Variants in SLC4A10 observed in about 807,000 individuals in gnomAD.
The protein encoded by SLC4A10 is sodium-driven chloride bicarbonate exchanger.
In SLC4A10, 42 loss-of-function variants were observed where a neutral mutation model predicts 137.7. The observed-to-expected ratio is 0.30, with a 90% CI of 0.24 to 0.39. The LOEUF (loss-of-function observed/expected upper bound fraction) is 0.39, where lower values mean the gene tolerates loss of function less well. SLC4A10 is among the 10% of genes least tolerant of loss of function. The pLI, the probability that SLC4A10 is intolerant of heterozygous loss-of-function variation, is 1.00. For missense variants in SLC4A10, 925 were observed against 1,355.0 expected (o/e 0.68, Z 4.98); for synonymous variants, 474 against 464.1 (o/e 1.02, Z -0.27).
At chr2:161,919,894 C>G (rs1687802559) in intron 15 of SLC4A10, among the ~76,000 whole-genome samples, 3 of 152,200 alleles carry the variant, frequency 2.0e-5, no homozygotes, top group African/African-American at 4.8e-5. Context: ...GTGACACCCT[C>G]TTTGGGGCTC....
chr2:161,932,841 CAG>C lies in SLC4A10; in HGVS notation c.1998-9950_1998-9949del, dbSNP rs1156830674. Among the ~76,000 whole-genome samples, 8 of 152,232 alleles carry C rather than the reference CAG, an allele frequency of 5.3e-5. No homozygotes were observed. The South Asian group carries it at 8.4e-4, about 16-fold the overall frequency. On this transcript the variant is annotated intron_variant, in intron 15 of 26. Coordinates refer to ENST00000446997, the MANE Select transcript of SLC4A10 (RefSeq NM_001178015.2). Reference sequence around the variant, plus strand: ...TGCCATTTCTTGAGAGTTGGAGCTACAGTTGCTCTAGATGTGTCTAGGTCTGA... The same window carrying C: ...TGCCATTTCTTGAGAGTTGGAGCTACTTGCTCTAGATGTGTCTAGGTCTGA...
chr2:161,660,558 TTC>T (rs1318169660), intron 1 of SLC4A10, among the ~76,000 whole-genome samples: 1 of 46,806 alleles, frequency 2.1e-5, no homozygotes, highest in Non-Finnish European at 5.1e-5. Flanking sequence ...TCATCTATAT[TTC>T]TTTCTTTCTT....
intron 1 of SLC4A10, among the ~76,000 whole-genome samples, chr2:161,703,019 T>A (rs1559067135): frequency 6.6e-6 from 1 of 151,798 alleles, no homozygotes. Context: ...ACATAGAGAC[T>A]GTGTGATAAC....
At chr2:161,939,703 T>A (rs1692321304) in intron 15 of SLC4A10, among the ~76,000 whole-genome samples, 1 of 152,174 alleles carries the variant, frequency 6.6e-6, no homozygotes, top group Non-Finnish European at 1.5e-5. Flanking sequence ...TTAAGTAATT[T>A]GCCTAAAGAT....
intron 15 of SLC4A10, among the ~76,000 whole-genome samples, chr2:161,933,188 T>TTTCTTTCTTTCC: frequency 4.5e-5 from 1 of 22,406 alleles, no homozygotes; most frequent in Non-Finnish European, 9.6e-5. Context: ...CCTTCTTTTC[T>TTTCTTTCTTTCC]TTCTTTCTTT....
intron 1 of SLC4A10, among the ~76,000 whole-genome samples, chr2:161,755,761 C>T (rs909633342): frequency 1.2e-4 from 18 of 151,662 alleles, no homozygotes; most frequent in Non-Finnish European, 2.4e-4. Flanking sequence ...TGTCTTAACT[C>T]GTTCCTTAAA....
chr2:161,814,035 A>G (rs897002213), intron 3 of SLC4A10, among the ~76,000 whole-genome samples: 2 of 151,988 alleles, frequency 1.3e-5, no homozygotes, highest in African/African-American at 2.4e-5. Flanking sequence ...AATTTAGTTC[A>G]TCAGGGGTCT....
chr2:161,938,670 G>A (rs1692057533), intron 15 of SLC4A10, among the ~76,000 whole-genome samples: 2 of 150,706 alleles, frequency 1.3e-5, no homozygotes, highest in African/African-American at 4.9e-5. Context: ...TATTCAACTG[G>A]TTTCCCCATG....
chr2:161,849,886 G>A (rs1394858534), intron 4 of SLC4A10, among the ~76,000 whole-genome samples: 8 of 152,104 alleles, frequency 5.3e-5, no homozygotes, highest in Admixed American at 1.3e-4. Context: ...CCTGGTTTTA[G>A]TATGAGAATG....
At chr2:161,724,542 G>A (rs142882090) in intron 1 of SLC4A10, among the ~76,000 whole-genome samples, 1,962 of 152,260 alleles carry the variant, frequency 0.013, 21 homozygotes, top group Non-Finnish European at 0.018. Flanking sequence ...TTAGTGCAGC[G>A]TGCTATGGGA....
intron 15 of SLC4A10, among the ~76,000 whole-genome samples, chr2:161,916,037 G>A (rs1195018380): frequency 6.6e-6 from 1 of 152,170 alleles, no homozygotes; most frequent in South Asian, 2.1e-4. Flanking sequence ...CCATCTGTAA[G>A]CTAAGAAGAG....
intron 15 of SLC4A10, among the ~76,000 whole-genome samples, chr2:161,918,612 T>C (rs1575635414): frequency 6.6e-6 from 1 of 152,294 alleles, no homozygotes; most frequent in African/African-American, 2.4e-5. Flanking sequence ...AATTCACCAC[T>C]TATGGGTATG....
chr2:161,731,760 A>G (rs1244061740), intron 1 of SLC4A10, among the ~76,000 whole-genome samples: 7 of 152,162 alleles, frequency 4.6e-5, no homozygotes, highest in Non-Finnish European at 1.0e-4. Context: ...TTAACCCATG[A>G]GATTATACAT....
chr2:161,822,430 G>C (rs72879203), intron 3 of SLC4A10, among the ~76,000 whole-genome samples: 1 of 152,134 alleles, frequency 6.6e-6, no homozygotes, highest in Non-Finnish European at 1.5e-5. Flanking sequence ...GCTCACACTG[G>C]GTCAGTCTAA....
intron 2 of SLC4A10, among the ~76,000 whole-genome samples, chr2:161,782,852 G>A (rs141500690): frequency 1.5e-3 from 226 of 150,734 alleles, no homozygotes; most frequent in African/African-American, 5.1e-3. Context: ...AAGGACTTAC[G>A]AGACACCATC....
At chr2:161,687,597 A>T (rs898318086) in intron 1 of SLC4A10, among the ~76,000 whole-genome samples, 2 of 152,090 alleles carry the variant, frequency 1.3e-5, no homozygotes, top group Non-Finnish European at 2.9e-5. Flanking sequence ...TCCAAAGAGA[A>T]TGTTTTATGG....
At chr2:161,850,403 A>T (rs757716834) in intron 4 of SLC4A10, among the ~76,000 whole-genome samples, 5 of 152,096 alleles carry the variant, frequency 3.3e-5, no homozygotes, top group Non-Finnish European at 5.9e-5. Flanking sequence ...AAAATAAAAT[A>T]AAATAAAATA....
chr2:161,802,238 T>C (rs1030312218), intron 2 of SLC4A10, among the ~76,000 whole-genome samples: 12 of 152,108 alleles, frequency 7.9e-5, no homozygotes, highest in African/African-American at 2.9e-4. Flanking sequence ...ATAAAAGATT[T>C]ACATCCGTTC....
At chr2:161,944,487 TATC>T (rs1352247778) in intron 16 of SLC4A10, among the ~76,000 whole-genome samples, 1 of 151,850 alleles carries the variant, frequency 6.6e-6, no homozygotes, top group African/African-American at 2.4e-5. Flanking sequence ...ACAGCACAGT[TATC>T]AGGCTAGCTG....
Sources: allele counts gnomAD v4.1 joint callset (sites outside exome capture counted in the v4.1 genomes callset), GRCh38; gene constraint gnomAD v4.1.1; transcripts MANE v1.5; gene names NCBI Gene and HGNC (gene_info 2026-07-23, HGNC 2026-07-21).